FHAD1: variants seen among roughly 807,000 people sequenced by gnomAD.
FHAD1 encodes forkhead-associated domain-containing protein 1.
FHAD1 carries 146 observed loss-of-function variants against 191.3 expected under a neutral mutation model. The ratio of observed to expected loss-of-function variants is 0.76; its 90% CI spans 0.67 to 0.88. FHAD1 has a LOEUF of 0.88. FHAD1 is among the 40% of genes least tolerant of loss of function. FHAD1 has a pLI of 0.00. For missense variants in FHAD1, 1,635 were observed against 1,785.8 expected, an observed-to-expected ratio of 0.92 and a Z score of 1.52; for synonymous variants, 616 against 672.3, an observed-to-expected ratio of 0.92 and a Z score of 1.29.
intron 3 of FHAD1, among the ~76,000 whole-genome samples, chr1:15,273,014 C>G (rs1656773736): frequency 1.3e-5 from 2 of 152,220 alleles, no homozygotes; most frequent in East Asian, 3.9e-4. Flanking sequence ...ACATAAGCGC[C>G]TGAAAAGCCA....
At chr1:15,369,115 A>C (rs12082286) in intron 25 of FHAD1, among the ~76,000 whole-genome samples, 32,628 of 152,076 alleles carry the variant, frequency 0.21, 3,744 homozygotes, top group African/African-American at 0.29. Flanking sequence ...GCAGACATGC[A>C]GTGAATGTCC....
intron 6 of FHAD1, among the ~76,000 whole-genome samples, chr1:15,305,316 C>T (rs1670112918): frequency 6.6e-6 from 1 of 152,184 alleles, no homozygotes; most frequent in African/African-American, 2.4e-5. Context: ...TCCTCCCTAC[C>T]TTCACACAGA....
intron 3 of FHAD1, among the ~76,000 whole-genome samples, chr1:15,286,236 C>T (rs1297885237): frequency 6.6e-6 from 1 of 152,174 alleles, no homozygotes; most frequent in Non-Finnish European, 1.5e-5. Context: ...GGTGTTGGGG[C>T]TCATGCCTGT....
At chr1:15,284,917 A>G (rs183849830) in intron 3 of FHAD1, among the ~76,000 whole-genome samples, 1 of 150,862 alleles carries the variant, frequency 6.6e-6, no homozygotes, top group East Asian at 2.0e-4. Context: ...AGAGAAAGAA[A>G]GAGGAGGAAA....
intron 29 of FHAD1, among the ~76,000 whole-genome samples, chr1:15,380,997 G>A (rs1700769612): frequency 1.3e-5 from 2 of 152,324 alleles, no homozygotes; most frequent in African/African-American, 4.8e-5. Flanking sequence ...TTAGAATGAA[G>A]TGTTTATATC....
intron 20 of FHAD1, among the ~76,000 whole-genome samples, chr1:15,355,168 C>G (rs2102538079): frequency 6.7e-6 from 1 of 149,742 alleles, no homozygotes; most frequent in Non-Finnish European, 1.5e-5. Context: ...AAGGTCATGC[C>G]ATTGCACTCC....
chr1:15,257,527 C>G (rs927209677), intron 2 of FHAD1, among the ~76,000 whole-genome samples: 1 of 152,220 alleles, frequency 6.6e-6, no homozygotes, highest in African/African-American at 2.4e-5. Context: ...GCCCGTTCAC[C>G]TTCCTGCCTC....
chr1:15,401,951 GTTGCCCAGGAATCCTT>G, downstream of FHAD1, among the ~76,000 whole-genome samples: 1 of 152,320 alleles, frequency 6.6e-6, no homozygotes, highest in South Asian at 2.1e-4. Flanking sequence ...TTGCCCATCT[GTTGCCCAGGAATCCTT>G]TTGCAATGCC....
chr1:15,386,039 GA>G (rs1407980678), intron 31 of FHAD1, among the ~76,000 whole-genome samples: 1 of 152,228 alleles, frequency 6.6e-6, no homozygotes, highest in Non-Finnish European at 1.5e-5. Context: ...ATAAGAGGCA[GA>G]CTTGGAGTCC....
chr1:15,365,787 T>C lies in FHAD1; in HGVS notation c.3048-40T>C, dbSNP rs375692709. 6.1e-6 allele frequency: 8 copies of C among 1,313,820 alleles called. No individual in the cohort carries two copies. In the African/African-American group the frequency reaches 8.8e-5, roughly 14 times the overall value. 81.4% of individuals were successfully genotyped at this position (1,313,820 alleles called of 1,614,324 possible). ...CTGACACTCAGGAGATAACATGGAG[T>C]TTGAGTTGAACTGACTTCACCTGTT... On this transcript the variant is annotated intron_variant, in intron 23 of 33. Transcript: ENST00000688493.
At chr1:15,322,535 G>A (rs504775) in intron 10 of FHAD1, among the ~76,000 whole-genome samples, 42,939 of 152,064 alleles carry the variant, frequency 0.28, 6,727 homozygotes, top group East Asian at 0.37. Flanking sequence ...CAGTTACTGT[G>A]GCATAGCCAC....
chr1:15,306,465 C>T (rs1335913824), intron 6 of FHAD1, among the ~76,000 whole-genome samples: 2 of 152,186 alleles, frequency 1.3e-5, no homozygotes, highest in Non-Finnish European at 2.9e-5. Flanking sequence ...ATCCCCAAGG[C>T]CATGGGGAAA....
At chr1:15,366,309 A>AAAAT (rs1696435511) in intron 24 of FHAD1, among the ~76,000 whole-genome samples, 1 of 149,980 alleles carries the variant, frequency 6.7e-6, no homozygotes, top group South Asian at 2.1e-4. Context: ...AAAAAAAAAA[A>AAAAT]GAGTTGAAAA....
chr1:15,250,601 C>T (rs529135990), intron 1 of FHAD1, among the ~76,000 whole-genome samples: 25 of 152,168 alleles, frequency 1.6e-4, no homozygotes, highest in Admixed American at 1.4e-3. Context: ...TCTTTTTTCC[C>T]CTAACTAAAT....
At chr1:15,383,770 A>G (rs1327829758) in intron 31 of FHAD1, 3 of 350,670 alleles carry the variant, frequency 8.6e-6, no homozygotes, top group South Asian at 6.6e-5. Context: ...TAATGCCTCT[A>G]ATAGCCCTGC....
intron 25 of FHAD1, among the ~76,000 whole-genome samples, chr1:15,369,157 C>T (rs12758011): frequency 2.0e-5 from 3 of 152,166 alleles, no homozygotes; most frequent in Non-Finnish European, 2.9e-5. Flanking sequence ...CTTCAGCCCC[C>T]GTGCAGGAAC....
At chr1:15,376,010 T>G (rs973099686) in intron 28 of FHAD1, among the ~76,000 whole-genome samples, 3 of 151,588 alleles carry the variant, frequency 2.0e-5, no homozygotes, top group African/African-American at 7.2e-5. Context: ...ATGTATGATA[T>G]TCTTTATTTT....
At chr1:15,278,560 G>T (rs1384304294) in intron 3 of FHAD1, among the ~76,000 whole-genome samples, 1 of 142,020 alleles carries the variant, frequency 7.0e-6, no homozygotes, top group East Asian at 2.1e-4. Context: ...AGCAACCTCT[G>T]CCTCCTGGGT....
chr1:15,393,282 C>T (rs1247369206), intron 33 of FHAD1: 1 of 152,074 alleles, frequency 6.6e-6, no homozygotes. Flanking sequence ...ACTATATTGG[C>T]CTGGGTAGTC....
Sources: gnomAD v4.1 joint callset for allele counts (sites outside exome capture counted in the v4.1 genomes callset) on GRCh38, gnomAD v4.1.1 for gene constraint, MANE v1.5 for transcripts, NCBI Gene and HGNC (gene_info 2026-07-23, HGNC 2026-07-21) for gene names.